The following NTM variants were observed in gnomAD, a reference collection of about 807,000 sequenced individuals.
NTM encodes IgLON family member 2.
NTM carries 13 observed loss-of-function variants against 42.1 expected under a neutral mutation model. The ratio of observed to expected loss-of-function variants is 0.31; its 90% confidence interval spans 0.20 to 0.49. The LOEUF (loss-of-function observed/expected upper bound fraction) is 0.49. Ranked by LOEUF, NTM falls within the 20% of genes least tolerant of loss-of-function variation. The pLI, the probability that NTM is intolerant of heterozygous loss-of-function variation, is 0.99. For synonymous variants in NTM, 187 were observed against 179.2 expected (o/e 1.04, Z -0.35); for missense variants, 373 against 452.8 (o/e 0.82, Z 1.60).
intron 4 of NTM, among the ~76,000 whole-genome samples, chr11:132,279,124 A>G (rs1227602281): frequency 6.6e-6 from 1 of 152,158 alleles, no homozygotes; most frequent in Non-Finnish European, 1.5e-5. Flanking sequence ...GCTGGCCCCA[A>G]ACAGAGACTT....
chr11:132,279,038 T>C (rs2093858384), intron 4 of NTM, among the ~76,000 whole-genome samples: 1 of 152,186 alleles, frequency 6.6e-6, no homozygotes. Flanking sequence ...CCAAATGGAA[T>C]GCAACATGGT....
intron 1 of NTM, among the ~76,000 whole-genome samples, chr11:131,486,476 A>G (rs957276543): frequency 6.6e-6 from 1 of 152,144 alleles, no homozygotes; most frequent in African/African-American, 2.4e-5. Context: ...ATGCTCTTCA[A>G]TGGGGATGTC....
At position 131,802,723 on chromosome 11, in the gene NTM, AC is replaced by A. The variant is rs1479460939; in HGVS notation, c.83-108839del. Among the ~76,000 whole-genome samples the A allele has an allele frequency of 2.6e-5, 4 of 152,332 alleles. No homozygotes were observed. In the East Asian group the frequency reaches 7.7e-4, roughly 29 times the overall value. ...CTCGTGCAAACAGAGTGCTGCGCTA[AC>A]CTTCCTCACTGCACTCCGTATGGCT... On this transcript the variant is annotated intron_variant, in intron 1 of 8. Transcript: ENST00000683400.
chr11:131,803,606 G>C (rs1198997047), intron 1 of NTM, among the ~76,000 whole-genome samples: 1 of 152,132 alleles, frequency 6.6e-6, no homozygotes, highest in East Asian at 1.9e-4. Context: ...CACTGCGCCC[G>C]GCCATCACTG....
intron 4 of NTM, among the ~76,000 whole-genome samples, chr11:132,244,058 C>T (rs555404238): frequency 9.8e-5 from 15 of 152,310 alleles, no homozygotes; most frequent in African/African-American, 2.4e-4. Flanking sequence ...ACTGCAGATC[C>T]GTAAATCATT....
At chr11:131,938,592 G>T (rs545490367) in intron 2 of NTM, among the ~76,000 whole-genome samples, 1 of 152,186 alleles carries the variant, frequency 6.6e-6, no homozygotes, top group African/African-American at 2.4e-5. Context: ...GAATGGCTTG[G>T]TCATGTGTAT....
chr11:131,751,701 A>T (rs1418205481), intron 1 of NTM, among the ~76,000 whole-genome samples: 1 of 152,090 alleles, frequency 6.6e-6, no homozygotes, highest in Non-Finnish European at 1.5e-5. Flanking sequence ...CAGAGGTTGC[A>T]GTGAGCCAAG....
rs200325256 is a variant in NTM at position 131,789,644 on chromosome 11, AG to A, written c.83-121919del. On this transcript the variant is annotated intron_variant, in intron 1 of 8. Coordinates refer to ENST00000683400, the MANE Select transcript of NTM (RefSeq NM_001352005.2). ...GAAGAAGAAGAAGAAGAAAAGAAGA[AG>A]AAGAAGAAGAAGAAGAAGAAGAAAG... 2.3e-4 allele frequency among the ~76,000 whole-genome samples: 30 copies of A among 129,746 alleles called. 1 individual carries two copies. The Admixed American group carries it at 2.3e-3, about 10-fold the overall frequency. 85.1% of individuals were successfully genotyped at this position (129,746 alleles called of 152,430 possible). A position where few individuals can be genotyped will look rare whatever the true frequency, so the allele number is the denominator to read the frequency against.
intron 2 of NTM, among the ~76,000 whole-genome samples, chr11:132,097,036 A>G (rs2061087671): frequency 3.3e-5 from 5 of 152,142 alleles, no homozygotes; most frequent in Admixed American, 3.3e-4. Context: ...AGCTGAATAG[A>G]TTTGTTTCAG....
chr11:131,610,694 T>C (rs529976944), intron 1 of NTM, among the ~76,000 whole-genome samples: 46 of 152,206 alleles, frequency 3.0e-4, no homozygotes, highest in Middle Eastern at 3.4e-3. Context: ...CGCAGATCGA[T>C]AGCATCTGGG....
chr11:131,921,163 G>A (rs761941038), intron 2 of NTM, among the ~76,000 whole-genome samples: 23 of 152,198 alleles, frequency 1.5e-4, no homozygotes, highest in Non-Finnish European at 2.8e-4. Flanking sequence ...TTATATTGAT[G>A]TCCTAACCTC....
intron 1 of NTM, among the ~76,000 whole-genome samples, chr11:131,461,174 C>A (rs1393552467): frequency 1.3e-5 from 2 of 152,166 alleles, no homozygotes; most frequent in African/African-American, 2.4e-5. Context: ...ACGGGTATGC[C>A]TGTGGGCAAT....
intron 1 of NTM, among the ~76,000 whole-genome samples, chr11:131,857,046 AG>A (rs1348570369): frequency 1.1e-4 from 16 of 152,190 alleles, no homozygotes; most frequent in Admixed American, 5.2e-4. Context: ...TGTTAGCCCT[AG>A]AACCTGTTTA....
At chr11:132,284,097 T>C (rs1591734121) in intron 4 of NTM, among the ~76,000 whole-genome samples, 2 of 152,052 alleles carry the variant, frequency 1.3e-5, no homozygotes, top group Admixed American at 1.3e-4. Context: ...TAGAGGATGA[T>C]TTTGTGGGGA....
chr11:131,866,053 CACTA>C (rs1170691912), intron 1 of NTM, among the ~76,000 whole-genome samples: 1 of 149,794 alleles, frequency 6.7e-6, no homozygotes, highest in Non-Finnish European at 1.5e-5. Flanking sequence ...GCTACACACA[CACTA>C]CACACACACC....
intron 1 of NTM, among the ~76,000 whole-genome samples, chr11:131,906,067 C>T (rs566427406): frequency 2.0e-5 from 3 of 152,264 alleles, no homozygotes; most frequent in South Asian, 2.1e-4. Flanking sequence ...TAGCACTAGA[C>T]GACACGCAAC....
At chr11:131,734,375 T>G (rs549116937) in intron 1 of NTM, among the ~76,000 whole-genome samples, 30 of 152,348 alleles carry the variant, frequency 2.0e-4, no homozygotes, top group Non-Finnish European at 3.7e-4. Flanking sequence ...ATTTACATTT[T>G]TCTACTTAGT....
At chr11:131,882,656 T>C (rs781652039) in intron 1 of NTM, among the ~76,000 whole-genome samples, 6 of 152,014 alleles carry the variant, frequency 3.9e-5, no homozygotes, top group Non-Finnish European at 7.4e-5. Flanking sequence ...GAGCCTTCCA[T>C]GATGGGAGAA....
rs1217088643 is a variant in NTM at position 131,740,637 on chromosome 11, T to C, written c.83-170927T>C. ...TCTCTCTGTCTCTGTCTGGGGTTTC[T>C]GTCCTTCTAATCCATGAGTCTCTCT... is the stretch of plus-strand genomic sequence containing the variant. On this transcript the variant is annotated intron_variant, in intron 1 of 8. Transcript: ENST00000683400. Among the ~76,000 whole-genome samples the C allele has an allele frequency of 2.6e-5, 4 of 152,268 alleles. No homozygotes were observed. The East Asian group carries it at 7.8e-4, about 30-fold the overall frequency.
Sources: allele counts gnomAD v4.1 joint callset (sites outside exome capture counted in the v4.1 genomes callset), GRCh38; gene constraint gnomAD v4.1.1; transcripts MANE v1.5; gene names NCBI Gene and HGNC (gene_info 2026-07-23, HGNC 2026-07-21).